TRMU: variants seen among roughly 807,000 people sequenced by gnomAD.
The protein encoded by TRMU is tRNA mitochondrial 2-thiouridylase.
TRMU carries 49 observed loss-of-function variants against 46.9 expected under a neutral mutation model. The observed-to-expected ratio is 1.05, with a 90% CI of 0.83 to 1.33. The LOEUF is 1.33. Among genes scored for constraint, TRMU ranks in the 40% most tolerant of loss-of-function variants. The pLI is 0.00. For synonymous variants in TRMU, 241 were observed against 200.9 expected (o/e 1.20, Z -1.69); for missense variants, 572 against 532.4 (o/e 1.07, Z -0.73).
At chr22:46,352,547 G>GGAGT (rs2078464207) in intron 7 of TRMU, 10 of 622,122 alleles carry the variant, frequency 1.6e-5, no homozygotes, top group Non-Finnish European at 2.9e-5. Flanking sequence ...CTGAGATGCT[G>GGAGT]GAGTTCATGA....
chr22:46,351,955 C>T lies in TRMU; in HGVS notation c.652-166C>T, dbSNP rs1417459741. On this transcript the variant is annotated intron_variant, in intron 5 of 10. Transcript: ENST00000645190. This position sits in a 1 kb window ranked among gnomAD's most constrained non-coding sequence, Gnocchi z 6.4. ...TCTAAGGCTCTGGCATCGTGTGCGC[C>T]GGCTGTGACTGGCGGCCGAGGGTGC... 1.5e-5 allele frequency: 12 copies of T among 788,326 alleles called. No homozygotes were observed. The highest frequency in any genetic ancestry group is 4.1e-5 in the South Asian group (3 of 73,578). The allele number at this position is 788,326 out of a possible 1,614,324, so 48.8% of individuals were successfully genotyped here.
chr22:46,336,196 C>T lies in TRMU; in HGVS notation c.82+350C>T. 8.8e-7 allele frequency: 1 copy of T among 1,142,180 alleles called. No individual in the cohort carries two copies. The highest frequency in any genetic ancestry group is 1.1e-6 in the Non-Finnish European group (1 of 917,198). The allele number at this position is 1,142,180 out of a possible 1,614,324, so 70.8% of individuals were successfully genotyped here. ...ACATTCACCTGTGAGACCGTGGACA[C>T]TGGTGAGGGGAGCTGGGATCGCCGG... On this transcript the variant is annotated intron_variant, in intron 1 of 10. Transcript: ENST00000645190. The surrounding 1 kb of genome is among the most constrained non-coding windows in gnomAD (Gnocchi z 4.1).
intron 10 of TRMU, chr22:46,356,396 C>G (rs1782575498): frequency 6.7e-6 from 3 of 449,506 alleles, no homozygotes; most frequent in Non-Finnish European, 1.2e-5. Flanking sequence ...GGTCGGGGCC[C>G]CTGTGGGCCG....
chr22:46,356,783 C>G (rs974900220), intron 10 of TRMU, 59 bp from the exon 11 acceptor site: 4 of 1,601,562 alleles, frequency 2.5e-6, no homozygotes, highest in Admixed American at 1.7e-5. Context: ...CACTCTGCCC[C>G]TGCCTGCCCT....
intron 2 of TRMU, among the ~76,000 whole-genome samples, chr22:46,340,944 G>T (rs112726258): frequency 6.6e-6 from 1 of 152,258 alleles, no homozygotes; most frequent in South Asian, 2.1e-4. Context: ...CCAGCTGCCC[G>T]TGGAGGCATT....
In TRMU at chr22:46,346,424, G is replaced by A. The variant is rs758153215; in HGVS notation, c.358G>A (p.Ala120Thr). The A allele has an allele frequency of 6.2e-7, 1 of 1,612,644 alleles. No individual in the cohort carries two copies. The highest frequency in any genetic ancestry group is 1.7e-5 in the Admixed American group (1 of 59,946). The change falls in exon 4 of 11, where the codon GCA (alanine) becomes ACA (threonine). Residue 120 changes from alanine (A) to threonine (T), a missense_variant and splice_region_variant. Transcript: ENST00000645190. The part of the protein sequence containing the change: ...FFHYAVDNLG[A>T]DAIATGHYAR... ...CTTGTGTTCTAAAAACCTCACAGGG[G>A]CAGATGCCATTGCCACAGGTCACTA...
chr22:46,352,062 G>A lies in TRMU; in HGVS notation c.652-59G>A, dbSNP rs1026442098. ...CCCAGGGCCCGCTCAGGACGTCTGG[G>A]TACAGCTTGGGCCACCGCCACTTCT... On this transcript the variant is annotated intron_variant, in intron 5 of 10. Transcript: ENST00000645190. 2.5e-6 allele frequency: 4 copies of A among 1,593,932 alleles called. No individual in the cohort carries two copies. In the African/African-American group the frequency reaches 5.4e-5, roughly 21 times the overall value.
Position 46,352,158 on chromosome 22 carries a change from A to G in TRMU, c.689A>G (p.Glu230Gly). 1 of 1,614,006 alleles carries G rather than the reference A, an allele frequency of 6.2e-7. No homozygotes were observed. Among genetic ancestry groups the G allele is most frequent in the Non-Finnish European group, 8.5e-7 (1 of 1,180,000 alleles). The change falls in exon 6 of 11, where the codon GAA (glutamate) becomes GGA (glycine). Residue 230 changes from glutamate to glycine, a missense_variant. Coordinates refer to ENST00000645190, the MANE Select transcript of TRMU (RefSeq NM_018006.5). ...TGTTTCATCGGGAAGAGGAATTTTGAACATTTCCTTCTTCAGGTGCGTGCT... is the reference window on the plus strand; with the variant it reads ...TGTTTCATCGGGAAGAGGAATTTTGGACATTTCCTTCTTCAGGTGCGTGCT... Reference protein sequence around the residue: ...GMCFIGKRNFEHFLLQYLQPR... With the variant: ...GMCFIGKRNFGHFLLQYLQPR...
intron 7 of TRMU, 32 bp from the exon 8 acceptor site, chr22:46,353,735 C>T: frequency 6.2e-7 from 1 of 1,603,464 alleles, no homozygotes; most frequent in Non-Finnish European, 8.5e-7. Context: ...TAACTTGTTG[C>T]CCAGCCTCAT....
intron 1 of TRMU, 141 bp downstream of exon 1, chr22:46,335,987 CTG>C (rs1299007829): frequency 1.3e-5 from 19 of 1,459,802 alleles, no homozygotes; most frequent in Non-Finnish European, 1.6e-5. Flanking sequence ...ACCCCGTCCT[CTG>C]ACTTTGGTTC....
chr22:46,352,518 C>T (rs2078463193), intron 7 of TRMU, 188 bp downstream of exon 7: 2 of 672,864 alleles, frequency 3.0e-6, no homozygotes, highest in South Asian at 1.6e-5. Flanking sequence ...GCTGGGTGCA[C>T]TTCCAGATGT....
chr22:46,350,855 G>A lies in TRMU; in HGVS notation c.651+392G>A, dbSNP rs1291702433. ...TGCACACTCATGTGCCCTGTCACCC[G>A]CTTGCCCGGCACAGACTCGTTCGGT... is the stretch of plus-strand genomic sequence containing the variant. On this transcript the variant is annotated intron_variant, in intron 5 of 10. Transcript: ENST00000645190. This position sits in a 1 kb window ranked among gnomAD's most constrained non-coding sequence, Gnocchi z 4.6. Among the ~76,000 whole-genome samples the A allele has an allele frequency of 1.3e-5, 2 of 152,222 alleles. No homozygotes were observed. The highest frequency in any genetic ancestry group is 1.3e-4 in the Admixed American group (2 of 15,286).
At chr22:46,356,809 G>A (rs2147122853) in intron 10 of TRMU, 33 bp from the exon 11 acceptor site, 1 of 1,611,354 alleles carries the variant, frequency 6.2e-7, no homozygotes, top group East Asian at 2.2e-5. Flanking sequence ...GGCTCCCTGT[G>A]GCACCCCTGA....
intron 2 of TRMU, 29 bp downstream of exon 2, chr22:46,337,973 C>A: frequency 6.2e-7 from 1 of 1,613,772 alleles, no homozygotes; most frequent in Non-Finnish European, 8.5e-7. Flanking sequence ...ACAAAGGAAG[C>A]TTCCTCACAC....
rs924634051 is a variant in TRMU at position 46,350,834 on chromosome 22, C to CA, written c.651+372dup. On this transcript the variant is annotated intron_variant, in intron 5 of 10. Coordinates refer to ENST00000645190, the MANE Select transcript of TRMU (RefSeq NM_018006.5). This position sits in a 1 kb window ranked among gnomAD's most constrained non-coding sequence, Gnocchi z 4.6. ...GGCAGGTGCTGTGCCGCCGTCTGCA[C>CA]ACTCATGTGCCCTGTCACCCGCTTG... 6.6e-6 allele frequency among the ~76,000 whole-genome samples: 1 copy of CA among 152,212 alleles called. No individual in the cohort carries two copies. The highest frequency in any genetic ancestry group is 1.5e-5 in the Non-Finnish European group (1 of 68,042).
At chr22:46,343,196 G>C (rs1354263936) in intron 2 of TRMU, 66 bp from the exon 3 acceptor site, 3 of 1,139,894 alleles carry the variant, frequency 2.6e-6, no homozygotes, top group Non-Finnish European at 3.9e-6. Flanking sequence ...GCAATTTAGT[G>C]AACTTTTTTT....
At position 46,356,936 on chromosome 22, in the gene TRMU, G is replaced by C; in HGVS notation, c.1196G>C (p.Arg399Thr). The change falls in exon 11 of 11, where the codon AGA becomes ACA. Residue 399 changes from arginine (R) to threonine (T), a missense_variant. Coordinates refer to ENST00000645190, the MANE Select transcript of TRMU (RefSeq NM_018006.5). ...TACACGCTCCAGAAGGGCCAGCGCA[G>C]AGCTGGGATGGCCACTGAGAGCCCC... The part of the protein sequence containing the change: ...SAYTLQKGQR[R>T]AGMATESPSD... The C allele has an allele frequency of 6.2e-7, 1 of 1,613,292 alleles. No individual in the cohort carries two copies. The highest frequency in any genetic ancestry group is 8.5e-7 in the Non-Finnish European group (1 of 1,179,852).
intron 1 of TRMU, 51 bp from the exon 2 acceptor site, chr22:46,337,728 T>G (rs752999540): frequency 1.3e-5 from 21 of 1,610,630 alleles, no homozygotes; most frequent in Middle Eastern, 1.7e-4. Context: ...CACTGCCGTT[T>G]TACCGAAGGT....
intron 4 of TRMU, among the ~76,000 whole-genome samples, chr22:46,346,848 G>A (rs1048387888): frequency 3.3e-5 from 5 of 152,194 alleles, no homozygotes; most frequent in African/African-American, 1.2e-4. Flanking sequence ...AAATATCTGG[G>A]TAAATATTTG....
Sources: allele counts gnomAD v4.1 joint callset (sites outside exome capture counted in the v4.1 genomes callset), GRCh38; gene constraint gnomAD v4.1.1; non-coding constraint Gnocchi (gnomAD v3.1); transcripts MANE v1.5; gene names NCBI Gene and HGNC (gene_info 2026-07-23, HGNC 2026-07-21).